ZNF23: variants seen among roughly 807,000 people sequenced by gnomAD.
ZNF23 encodes the protein zinc finger protein 23.
In ZNF23, 48 loss-of-function variants were observed where a neutral mutation model predicts 56.2. The ratio of observed to expected loss-of-function variants is 0.85; its 90% CI spans 0.68 to 1.09. The LOEUF (loss-of-function observed/expected upper bound fraction) is 1.09. ZNF23 is among the 50% of genes least tolerant of loss of function. The pLI, the probability that ZNF23 is intolerant of heterozygous loss-of-function variation, is 0.00. For missense variants in ZNF23, 805 were observed against 811.4 expected, an observed-to-expected ratio of 0.99 and a Z score of 0.10; for synonymous variants, 266 against 283.3, an observed-to-expected ratio of 0.94 and a Z score of 0.61.
At chr16:71,450,767 C>A in intron 4 of ZNF23, 1 of 410,950 alleles carries the variant, frequency 2.4e-6, no homozygotes, top group South Asian at 1.7e-5. Context: ...AGGTCTTGTC[C>A]ACCAGCTCAG....
chr16:71,457,966 G>A (rs1285377857), intron 1 of ZNF23, among the ~76,000 whole-genome samples: 2 of 152,154 alleles, frequency 1.3e-5, no homozygotes, highest in African/African-American at 2.4e-5. Flanking sequence ...CCTGGAGAAG[G>A]CAGCTGCCCC....
At chr16:71,460,901 G>A (rs1334596891) in intron 1 of ZNF23, among the ~76,000 whole-genome samples, 2 of 152,092 alleles carry the variant, frequency 1.3e-5, no homozygotes, top group Non-Finnish European at 2.9e-5. Flanking sequence ...CAACCCACAT[G>A]TCCATTGAAA....
chr16:71,449,490 A>G lies in ZNF23; in HGVS notation c.664T>C (p.Cys222Arg). 1 of 1,614,196 alleles carries G rather than the reference A, an allele frequency of 6.2e-7. No individual in the cohort carries two copies. Among genetic ancestry groups the G allele is most frequent in the Non-Finnish European group, 8.5e-7 (1 of 1,180,036 alleles). Residue 222 changes from cysteine to arginine, a missense_variant, in exon 5 of 5, where the codon TGT (cysteine) becomes CGT (arginine). Physicochemically the swap from Cys to Arg is radical, Grantham distance 180 (BLOSUM62 -3). Transcript: ENST00000647773. ...KCEELVEPFR[C>R]DSQLIQHQEN... ...TGATGTTGAATAAGTTGAGAGTCACACCTAAAGGGCTCTACTAATTCTTCA... is the reference window on the plus strand; with the variant it reads ...TGATGTTGAATAAGTTGAGAGTCACGCCTAAAGGGCTCTACTAATTCTTCA...
chr16:71,451,426 A>T (rs2043052751), intron 4 of ZNF23: 1 of 152,226 alleles, frequency 6.6e-6, no homozygotes. Flanking sequence ...CTGTTGCTAT[A>T]GACTGAATGT....
Position 71,448,222 on chromosome 16 carries a change from A to T in ZNF23, c.1932T>A (p.Ser644=). ...VECGKGFSFS[S]DYIIHQTVHT... ...GGACTGTCTGATGTATAATGTAGTCAGAACTAAAGCTGAAGCCTTTGCCAC... is the reference window on the plus strand; with the variant it reads ...GGACTGTCTGATGTATAATGTAGTCTGAACTAAAGCTGAAGCCTTTGCCAC... The change falls in exon 5 of 5, where the codon TCT becomes TCA. Residue 644 remains serine, a synonymous_variant. Transcript: ENST00000647773. The T allele has an allele frequency of 1.2e-6, 2 of 1,614,256 alleles. No homozygotes were observed. Among genetic ancestry groups the T allele is most frequent in the Non-Finnish European group, 1.7e-6 (2 of 1,180,036 alleles).
At position 71,453,119 on chromosome 16, in the gene ZNF23, A is replaced by G; in HGVS notation, c.268+124T>C. 3 of 638,820 alleles carry G rather than the reference A, an allele frequency of 4.7e-6. No individual in the cohort carries two copies. In the South Asian group the frequency reaches 6.8e-5, roughly 15 times the overall value. The allele number at this position is 638,820 out of a possible 1,614,324, so 39.6% of individuals were successfully genotyped here. ...ACTACCTATCTCTATGAATCATCAA[A>G]ATTTACTCAAACTTCACTCTGTATG... is the stretch of plus-strand genomic sequence containing the variant. On this transcript the variant is annotated intron_variant, in intron 4 of 4. Transcript: ENST00000647773.
At chr16:71,459,979 C>T (rs866651043) in intron 1 of ZNF23, among the ~76,000 whole-genome samples, 3 of 152,190 alleles carry the variant, frequency 2.0e-5, no homozygotes, top group African/African-American at 4.8e-5. Flanking sequence ...AGCTACCCCG[C>T]TCAGCTAGTC....
chr16:71,448,837 T>G lies in ZNF23; in HGVS notation c.1317A>C (p.Glu439Asp). 2 of 1,614,206 alleles carry G rather than the reference T, an allele frequency of 1.2e-6. No homozygotes were observed. The highest frequency in any genetic ancestry group is 1.7e-6 in the Non-Finnish European group (2 of 1,180,026). ...CTTTGACACTGAAGGCTTTTCCACA[T>G]TCAGTGCATTCATAGGGTTTCTCAC... ...HTGEKPYECTECGKAFSVKGK... is the reference protein window; with the variant it reads ...HTGEKPYECTDCGKAFSVKGK... The change falls in exon 5 of 5, where the codon GAA becomes GAC. Residue 439 changes from glutamate to aspartate, a missense_variant. By Grantham distance (45) the Glu-to-Asp change is conservative (BLOSUM62 2). Transcript: ENST00000647773.
intron 2 of ZNF23, among the ~76,000 whole-genome samples, chr16:71,455,052 C>G (rs184642089): frequency 6.6e-6 from 1 of 152,206 alleles, no homozygotes; most frequent in Non-Finnish European, 1.5e-5. Context: ...CTCAACTCCT[C>G]TCTGCTAGGA....
chr16:71,453,783 C>T (rs1012814344), intron 3 of ZNF23: 2 of 570,662 alleles, frequency 3.5e-6, no homozygotes, highest in Admixed American at 3.2e-5. Context: ...CAGGAAGCAA[C>T]TGGATTCCAG....
intron 1 of ZNF23, among the ~76,000 whole-genome samples, chr16:71,460,777 C>T (rs2043416313): frequency 6.6e-6 from 1 of 152,170 alleles, no homozygotes; most frequent in Non-Finnish European, 1.5e-5. Context: ...AGATGTTTAA[C>T]ATAATTCAAC....
Position 71,454,099 on chromosome 16 carries a change from G to A in ZNF23, c.103C>T (p.Gln35Ter). 6.2e-7 allele frequency: 1 copy of A among 1,614,084 alleles called. No individual in the cohort carries two copies. The highest frequency in any genetic ancestry group is 2.2e-5 in the East Asian group (1 of 44,872). ...ATCACATCCCTGTACAGGGTCCTCT[G>A]TGCAGGGGACAGGCCATCCCATTCC... is the stretch of plus-strand genomic sequence containing the variant. ...QAEWDGLSPA[Q>*]RTLYRDVMLE... Residue 35 changes from glutamine (Q) to a stop codon, truncating the protein, a stop_gained, in exon 3 of 5, where the codon CAG (glutamine) becomes TAG (stop). Transcript: ENST00000647773. LOFTEE classifies it high-confidence loss of function.
At chr16:71,459,244 TGG>T (rs2043350227) in intron 1 of ZNF23, among the ~76,000 whole-genome samples, 1 of 152,226 alleles carries the variant, frequency 6.6e-6, no homozygotes, top group Admixed American at 6.5e-5. Context: ...TTAACACCTG[TGG>T]GACCCCCTTG....
In ZNF23 at chr16:71,454,035, G is replaced by T; in HGVS notation, c.160+7C>A. On this transcript the variant is annotated splice_region_variant and intron_variant, in intron 3 of 4. Transcript: ENST00000647773. ...GATTCCAGGTTCCCAGGGTAGAGAGGTCTTACCCAGGGAGGCCACATTCCC... is the reference window on the plus strand; with the variant it reads ...GATTCCAGGTTCCCAGGGTAGAGAGTTCTTACCCAGGGAGGCCACATTCCC... The T allele has an allele frequency of 1.9e-6, 3 of 1,614,018 alleles. No homozygotes were observed. The highest frequency in any genetic ancestry group is 2.5e-6 in the Non-Finnish European group (3 of 1,179,948).
At chr16:71,457,693 C>A (rs1597002856) in intron 1 of ZNF23, among the ~76,000 whole-genome samples, 1 of 152,024 alleles carries the variant, frequency 6.6e-6, no homozygotes, top group Middle Eastern at 3.4e-3. Flanking sequence ...CCACTGCACT[C>A]CAGCCTGGGT....
At chr16:71,455,581 T>C (rs1182721353) in intron 2 of ZNF23, among the ~76,000 whole-genome samples, 1 of 152,094 alleles carries the variant, frequency 6.6e-6, no homozygotes, top group Non-Finnish European at 1.5e-5. Context: ...GATCTTGAAC[T>C]CCTGACCTCA....
At chr16:71,452,694 T>C (rs2043097628) in intron 4 of ZNF23, 1 of 152,568 alleles carries the variant, frequency 6.6e-6, no homozygotes, top group South Asian at 2.1e-4. Context: ...AGCTAGGTAT[T>C]TGATATGTGT....
chr16:71,456,296 CCCCT>C (rs1442281083), intron 2 of ZNF23, among the ~76,000 whole-genome samples: 1 of 152,084 alleles, frequency 6.6e-6, no homozygotes, highest in Admixed American at 6.5e-5. Flanking sequence ...GACTGTCTTC[CCCCT>C]CCCTTGACTC....
intron 1 of ZNF23, among the ~76,000 whole-genome samples, chr16:71,457,621 A>C (rs1409495727): frequency 2.0e-5 from 3 of 151,604 alleles, no homozygotes; most frequent in Non-Finnish European, 2.9e-5. Context: ...GCTATTCGGG[A>C]GTCTGAGGTA....
Sources: gnomAD v4.1 joint callset for allele counts (sites outside exome capture counted in the v4.1 genomes callset) on GRCh38, gnomAD v4.1.1 for gene constraint, MANE v1.5 for transcripts, NCBI Gene and HGNC (gene_info 2026-07-23, HGNC 2026-07-21) for gene names.